DAB1: variants seen among roughly 807,000 people sequenced by gnomAD.
DAB1 encodes disabled homolog 1.
A neutral mutation model predicts 64.6 loss-of-function variants in DAB1; 15 were observed. That is an observed-to-expected ratio of 0.23 (90% confidence interval 0.16 to 0.36). The LOEUF is 0.36. Ranked by LOEUF, DAB1 falls within the 10% of genes least tolerant of loss-of-function variation. The pLI, the probability that DAB1 is intolerant of heterozygous loss-of-function variation, is 1.00. For synonymous variants in DAB1, 235 were observed against 251.9 expected (o/e 0.93, Z 0.64); for missense variants, 596 against 706.7 (o/e 0.84, Z 1.78).
intron 6 of DAB1, among the ~76,000 whole-genome samples, chr1:57,747,614 C>T (rs1398109792): frequency 6.6e-6 from 1 of 151,748 alleles, no homozygotes; most frequent in Non-Finnish European, 1.5e-5. Context: ...TCAAGACCAT[C>T]CTGGCTAACA....
At chr1:57,140,530 T>C (rs1327072293) in intron 3 of DAB1, among the ~76,000 whole-genome samples, 2 of 152,174 alleles carry the variant, frequency 1.3e-5, no homozygotes, top group African/African-American at 4.8e-5. Flanking sequence ...CAATGATGCA[T>C]GCTACAAATA....
At chr1:58,423,186 G>T (rs932019989) in intron 3 of DAB1, among the ~76,000 whole-genome samples, 32 of 152,172 alleles carry the variant, frequency 2.1e-4, no homozygotes, top group Non-Finnish European at 3.7e-4. Flanking sequence ...AACCTCTTTT[G>T]CTCCTTCAGC....
At chr1:57,822,771 T>A (rs2101896724), downstream of DAB1, among the ~76,000 whole-genome samples, 1 of 152,228 alleles carries the variant, frequency 6.6e-6, no homozygotes, top group East Asian at 1.9e-4. Flanking sequence ...AAAGGTAAAA[T>A]TAATTTTAAT....
chr1:58,325,261 G>A (rs1305315199), intron 4 of DAB1, among the ~76,000 whole-genome samples: 1 of 152,204 alleles, frequency 6.6e-6, no homozygotes, highest in East Asian at 1.9e-4. Flanking sequence ...CCCCATGGGG[G>A]CTGTGTGCTC....
intron 1 of DAB1, among the ~76,000 whole-genome samples, chr1:57,417,025 TGAAGA>T (rs1684541295): frequency 6.6e-6 from 1 of 152,112 alleles, no homozygotes; most frequent in Non-Finnish European, 1.5e-5. Context: ...AGCTAGAAAG[TGAAGA>T]GAATTCAGTG....
At chr1:58,229,467 G>A (rs575627529) in intron 4 of DAB1, among the ~76,000 whole-genome samples, 3 of 152,260 alleles carry the variant, frequency 2.0e-5, no homozygotes, top group Non-Finnish European at 2.9e-5. Flanking sequence ...CTGAGGCACT[G>A]GAGAGGAACC....
chr1:58,361,863 CTTTTTTTT>C (rs34029239), intron 3 of DAB1, among the ~76,000 whole-genome samples: 4 of 84,022 alleles, frequency 4.8e-5, no homozygotes, highest in African/African-American at 1.9e-4. Flanking sequence ...AAAGATCCCC[CTTTTTTTT>C]TTTTTTTTTT....
chr1:57,602,677 C>T (rs1645588461), intron 7 of DAB1, among the ~76,000 whole-genome samples: 1 of 152,110 alleles, frequency 6.6e-6, no homozygotes, highest in African/African-American at 2.4e-5. Flanking sequence ...AAAGCTAGGA[C>T]AGATTAAGGT....
intron 1 of DAB1, among the ~76,000 whole-genome samples, chr1:57,343,888 T>C (rs1354084931): frequency 6.6e-6 from 1 of 152,198 alleles, no homozygotes; most frequent in Non-Finnish European, 1.5e-5. Flanking sequence ...GCTCCTCAAG[T>C]GTGGCCAGAG....
chr1:57,979,002 TG>T (rs950539376), intron 5 of DAB1, among the ~76,000 whole-genome samples: 2 of 152,190 alleles, frequency 1.3e-5, no homozygotes, highest in African/African-American at 4.8e-5. Flanking sequence ...GAAGACAGTG[TG>T]GTGATGCCTC....
intron 6 of DAB1, among the ~76,000 whole-genome samples, chr1:57,682,503 C>T (rs1326526707): frequency 1.3e-5 from 2 of 151,474 alleles, no homozygotes; most frequent in African/African-American, 4.9e-5. Context: ...AAAGGTGACA[C>T]TAATGATGAG....
At chr1:57,743,271 T>C (rs1446506661) in intron 6 of DAB1, among the ~76,000 whole-genome samples, 3 of 152,198 alleles carry the variant, frequency 2.0e-5, no homozygotes, top group African/African-American at 4.8e-5. Flanking sequence ...TCGTGATTTG[T>C]TTCTGCCCCA....
At chr1:57,492,737 G>A (rs2101283561) in intron 7 of DAB1, among the ~76,000 whole-genome samples, 1 of 152,310 alleles carries the variant, frequency 6.6e-6, no homozygotes, top group East Asian at 1.9e-4. Flanking sequence ...AACTCTCTGA[G>A]AGGAATAGTA....
intron 4 of DAB1, among the ~76,000 whole-genome samples, chr1:58,197,164 C>A (rs1367893934): frequency 2.0e-5 from 3 of 152,154 alleles, no homozygotes; most frequent in African/African-American, 4.8e-5. Flanking sequence ...AAACCCCCTG[C>A]AAGCTTCAGT....
chr1:58,445,575 G>T (rs1311761121), intron 3 of DAB1, among the ~76,000 whole-genome samples: 2 of 152,180 alleles, frequency 1.3e-5, no homozygotes, highest in East Asian at 3.9e-4. Flanking sequence ...GTGAACTTAC[G>T]CAGGTGCTTC....
Position 57,441,272 on chromosome 1 carries a change from C to CTCTTTCTTTCTT in DAB1, n.626-150118_626-150107dup, listed in dbSNP as rs60171938. On this transcript the variant is annotated intron_variant and non_coding_transcript_variant, in intron 7 of 20. Coordinates refer to the DAB1 transcript ENST00000485760. ...TTCTTTTCTTTTCTTTTCTTTCTTT[C>CTCTTTCTTTCTT]TCTTTCTTTCTTTCTTTCTTTCTTT... Among the ~76,000 whole-genome samples, 638 of 72,612 alleles carry CTCTTTCTTTCTT rather than the reference C, an allele frequency of 8.8e-3. 2 individuals carry two copies. The highest frequency in any genetic ancestry group is 0.017 in the Non-Finnish European group (475 of 28,108). The allele number at this position is 72,612 out of a possible 152,430, so 47.6% of individuals were successfully genotyped here.
chr1:57,343,340 T>C (rs1677795626), intron 1 of DAB1, among the ~76,000 whole-genome samples: 2 of 152,178 alleles, frequency 1.3e-5, no homozygotes, highest in African/African-American at 4.8e-5. Flanking sequence ...TAGCTAGACA[T>C]AGAGGTTCTC....
chr1:58,472,754 A>G (rs980529172), intron 3 of DAB1, among the ~76,000 whole-genome samples: 2 of 152,324 alleles, frequency 1.3e-5, no homozygotes, highest in Non-Finnish European at 2.9e-5. Context: ...CCCTTCTTAC[A>G]CTTGTCTCTT....
At chr1:58,043,385 T>C (rs1024043330) in intron 5 of DAB1, among the ~76,000 whole-genome samples, 2 of 151,944 alleles carry the variant, frequency 1.3e-5, no homozygotes. Context: ...CTAGTAGAAT[T>C]TCAAGTTTAA....
Sources: allele counts gnomAD v4.1 joint callset (sites outside exome capture counted in the v4.1 genomes callset), GRCh38; gene constraint gnomAD v4.1.1; transcripts MANE v1.5; gene names NCBI Gene and HGNC (gene_info 2026-07-23, HGNC 2026-07-21).